The following LRRTM4 variants were observed in gnomAD, a reference collection of about 807,000 sequenced individuals.
The protein encoded by LRRTM4 is leucine-rich repeat transmembrane neuronal protein 4.
LRRTM4 carries 25 observed loss-of-function variants against 47.6 expected under a neutral mutation model. The observed-to-expected ratio is 0.53, with a 90% confidence interval of 0.38 to 0.73. The LOEUF is 0.73. Among genes scored for constraint, LRRTM4 ranks in the 30% least tolerant of loss-of-function variants. LRRTM4 has a pLI of 0.00. For synonymous variants in LRRTM4, 311 were observed against 269.5 expected (o/e 1.15, Z -1.51); for missense variants, 638 against 713.4 (o/e 0.89, Z 1.20).
At chr2:77,372,650 C>A (rs1422508024) in intron 3 of LRRTM4, among the ~76,000 whole-genome samples, 1 of 151,672 alleles carries the variant, frequency 6.6e-6, no homozygotes, top group African/African-American at 2.4e-5. Context: ...AATACTTCAG[C>A]ATTAATGGTG....
intron 3 of LRRTM4, among the ~76,000 whole-genome samples, chr2:77,236,250 T>A (rs967067397): frequency 6.6e-6 from 1 of 152,058 alleles, no homozygotes; most frequent in African/African-American, 2.4e-5. Context: ...TAATTAGATG[T>A]CTTCCTATTT....
At chr2:77,497,028 C>T (rs1259316180) in intron 3 of LRRTM4, among the ~76,000 whole-genome samples, 1 of 151,454 alleles carries the variant, frequency 6.6e-6, no homozygotes, top group African/African-American at 2.4e-5. Flanking sequence ...ATTTTGATAG[C>T]TTATGTATCT....
At chr2:76,899,356 T>C (rs1166337724) in intron 3 of LRRTM4, among the ~76,000 whole-genome samples, 9 of 144,480 alleles carry the variant, frequency 6.2e-5, no homozygotes, top group African/African-American at 1.8e-4. Context: ...CACACACATA[T>C]ATATATATAA....
intron 3 of LRRTM4, among the ~76,000 whole-genome samples, chr2:76,905,062 C>G: frequency 6.6e-6 from 1 of 152,090 alleles, no homozygotes; most frequent in East Asian, 1.9e-4. Flanking sequence ...GGTCTCTGAC[C>G]CCCTGACCAC....
chr2:76,806,063 T>A (rs142739238), intron 3 of LRRTM4, among the ~76,000 whole-genome samples: 1 of 152,222 alleles, frequency 6.6e-6, no homozygotes, highest in Non-Finnish European at 1.5e-5. Flanking sequence ...GAAACTAAGA[T>A]GCACGTACAG....
intron 3 of LRRTM4, among the ~76,000 whole-genome samples, chr2:77,336,125 AAAG>A (rs936249255): frequency 3.3e-5 from 5 of 151,464 alleles, no homozygotes; most frequent in African/African-American, 1.2e-4. Context: ...AGAAGGGAGA[AAAG>A]AAGGACAGAA....
chr2:77,419,087 A>G (rs999942581), intron 3 of LRRTM4, among the ~76,000 whole-genome samples: 9 of 152,218 alleles, frequency 5.9e-5, no homozygotes, highest in African/African-American at 1.9e-4. Flanking sequence ...AATAGTACAC[A>G]ATATATAGTA....
At chr2:76,859,566 A>G (rs528632050) in intron 3 of LRRTM4, among the ~76,000 whole-genome samples, 61 of 152,162 alleles carry the variant, frequency 4.0e-4, no homozygotes, top group Non-Finnish European at 7.5e-4. Flanking sequence ...CCTAACCTAC[A>G]ATATTTCCCT....
At chr2:77,331,540 T>C (rs898745178) in intron 3 of LRRTM4, among the ~76,000 whole-genome samples, 4 of 152,300 alleles carry the variant, frequency 2.6e-5, no homozygotes, top group Middle Eastern at 6.8e-3. Context: ...TTGGAAGAGA[T>C]AGGACACATA....
intron 3 of LRRTM4, among the ~76,000 whole-genome samples, chr2:77,369,034 C>T (rs1256787368): frequency 1.3e-5 from 2 of 151,836 alleles, no homozygotes; most frequent in African/African-American, 4.8e-5. Flanking sequence ...AATGGCGATT[C>T]AAACAGGTAT....
chr2:76,926,581 C>T (rs768556593), intron 3 of LRRTM4, among the ~76,000 whole-genome samples: 2 of 152,056 alleles, frequency 1.3e-5, no homozygotes, highest in African/African-American at 2.4e-5. Flanking sequence ...GTGATTAGGC[C>T]AGGAGGGCTC....
intron 3 of LRRTM4, among the ~76,000 whole-genome samples, chr2:77,044,023 C>T (rs1679128171): frequency 6.6e-6 from 1 of 151,410 alleles, no homozygotes; most frequent in African/African-American, 2.4e-5. Flanking sequence ...TCATTTCCTC[C>T]TTCATTTCTG....
At chr2:76,865,838 C>A (rs1033120613) in intron 3 of LRRTM4, among the ~76,000 whole-genome samples, 19 of 152,138 alleles carry the variant, frequency 1.2e-4, no homozygotes, top group African/African-American at 4.1e-4. Context: ...TTATGACTGT[C>A]ACTTTGCATG....
chr2:77,029,219 G>A (rs10189354), intron 3 of LRRTM4, among the ~76,000 whole-genome samples: 3 of 151,602 alleles, frequency 2.0e-5, no homozygotes, highest in African/African-American at 7.3e-5. Flanking sequence ...AAAATAATAG[G>A]ATAGATGTAT....
At chr2:77,034,517 T>C (rs750158685) in intron 3 of LRRTM4, among the ~76,000 whole-genome samples, 13 of 151,950 alleles carry the variant, frequency 8.6e-5, no homozygotes, top group Non-Finnish European at 1.8e-4. Context: ...CTCTCCGTCT[T>C]CTATTTTCTT....
intron 3 of LRRTM4, among the ~76,000 whole-genome samples, chr2:76,803,407 A>G (rs1675805053): frequency 6.6e-6 from 1 of 152,174 alleles, no homozygotes; most frequent in South Asian, 2.1e-4. Flanking sequence ...ATATTACTTT[A>G]CACCTGGTAA....
intron 3 of LRRTM4, among the ~76,000 whole-genome samples, chr2:76,879,371 T>G (rs1221494879): frequency 6.6e-6 from 1 of 152,146 alleles, no homozygotes. Flanking sequence ...TTCCTAAAAT[T>G]TTAGGGCCAT....
At position 77,370,985 on chromosome 2, in the gene LRRTM4, T is replaced by C. The variant is rs565765797; in HGVS notation, c.1551+147333A>G. On this transcript the variant is annotated intron_variant, in intron 3 of 3. Transcript: ENST00000409884. ...AGGTGGATTTAATCTGTAATACAAT[T>C]AGTTGGTTGGGGAGGACCACATCAA... Among the ~76,000 whole-genome samples, 32 of 151,796 alleles carry C rather than the reference T, an allele frequency of 2.1e-4. No individual in the cohort carries two copies. In the South Asian group the frequency reaches 3.7e-3, roughly 18 times the overall value.
chr2:77,254,106 C>T (rs375821847), intron 3 of LRRTM4, among the ~76,000 whole-genome samples: 30 of 151,658 alleles, frequency 2.0e-4, no homozygotes, highest in African/African-American at 7.0e-4. Flanking sequence ...CATATGTATA[C>T]CTATAGATAA....
Sources: gnomAD v4.1 joint callset for allele counts (sites outside exome capture counted in the v4.1 genomes callset) on GRCh38, gnomAD v4.1.1 for gene constraint, MANE v1.5 for transcripts, NCBI Gene and HGNC (gene_info 2026-07-23, HGNC 2026-07-21) for gene names.